The following PDS5B variants were observed in gnomAD, a reference collection of about 807,000 sequenced individuals.
The protein encoded by PDS5B is PDS5 cohesin associated factor B.
Under a neutral mutation model 184.1 loss-of-function variants are expected in PDS5B, and 51 were observed. That is an observed-to-expected ratio of 0.28 (90% CI 0.22 to 0.35). The LOEUF (loss-of-function observed/expected upper bound fraction) is 0.35. PDS5B is among the 10% of genes least tolerant of loss of function. The probability of loss-of-function intolerance (pLI) is 1.00; values close to 1 mark genes in which losing one functional copy is unlikely to be tolerated. For missense variants in PDS5B, 1,180 were observed against 1,723.3 expected (o/e 0.68, Z 5.58); for synonymous variants, 566 against 569.2 (o/e 0.99, Z 0.08).
intron 1 of PDS5B, among the ~76,000 whole-genome samples, chr13:32,628,637 T>TA (rs1479306806): frequency 1.3e-5 from 2 of 152,082 alleles, no homozygotes; most frequent in African/African-American, 4.8e-5. Context: ...GCCCAATAGG[T>TA]ACTTTTTTGG....
intron 1 of PDS5B, among the ~76,000 whole-genome samples, chr13:32,631,809 C>G (rs911110256): frequency 1.3e-5 from 2 of 152,158 alleles, no homozygotes; most frequent in African/African-American, 4.8e-5. Context: ...AATTGAGCAC[C>G]TGAAGTTGTG....
chr13:32,597,094 C>T (rs1001080898), intron 1 of PDS5B, among the ~76,000 whole-genome samples: 3 of 151,912 alleles, frequency 2.0e-5, no homozygotes, highest in South Asian at 2.1e-4. Context: ...AGTTTAGTGG[C>T]GCCATCATAG....
intron 34 of PDS5B, among the ~76,000 whole-genome samples, chr13:32,774,407 A>C (rs1484095028): frequency 6.6e-6 from 1 of 152,330 alleles, no homozygotes; most frequent in South Asian, 2.1e-4. Flanking sequence ...TGGGGAGGAC[A>C]TCAAAGTAAG....
chr13:32,677,224 A>G (rs1951096250), intron 9 of PDS5B, among the ~76,000 whole-genome samples: 1 of 152,000 alleles, frequency 6.6e-6, no homozygotes, highest in Admixed American at 6.5e-5. Flanking sequence ...AATACAATGG[A>G]AAGTTTTTAG....
intron 20 of PDS5B, among the ~76,000 whole-genome samples, chr13:32,734,600 A>T (rs1464189109): frequency 1.3e-5 from 2 of 152,208 alleles, no homozygotes; most frequent in Non-Finnish European, 2.9e-5. Context: ...ACACAGACTC[A>T]TTCTGATTAG....
chr13:32,706,286 A>G (rs1048972275), intron 17 of PDS5B, among the ~76,000 whole-genome samples: 8 of 123,382 alleles, frequency 6.5e-5, no homozygotes, highest in Admixed American at 8.4e-5. Flanking sequence ...TCAAAAATAA[A>G]TAAATAAATA....
At chr13:32,619,989 G>C (rs1477818108) in intron 1 of PDS5B, among the ~76,000 whole-genome samples, 1 of 152,018 alleles carries the variant, frequency 6.6e-6, no homozygotes, top group African/African-American at 2.4e-5. Flanking sequence ...AGTAGAGACA[G>C]GGTTTCACTA....
chr13:32,771,762 G>A (rs996886150), intron 33 of PDS5B, among the ~76,000 whole-genome samples: 2 of 151,740 alleles, frequency 1.3e-5, no homozygotes, highest in African/African-American at 4.8e-5. Flanking sequence ...TCTAAACAAA[G>A]GATTCTTAAG....
At chr13:32,760,446 C>T in intron 29 of PDS5B, 129 bp from the exon 30 acceptor site, 1 of 794,002 alleles carries the variant, frequency 1.3e-6, no homozygotes, top group Non-Finnish European at 2.0e-6. Flanking sequence ...TATTACTTTG[C>T]TTAAGGATAG....
chr13:32,628,030 C>G (rs1054791367), intron 1 of PDS5B, among the ~76,000 whole-genome samples: 10 of 152,068 alleles, frequency 6.6e-5, no homozygotes, highest in Non-Finnish European at 2.9e-5. Flanking sequence ...GTTGCCCAAT[C>G]TTTATTTAAA....
intron 20 of PDS5B, among the ~76,000 whole-genome samples, chr13:32,733,335 G>A (rs964804911): frequency 3.9e-5 from 6 of 152,002 alleles, no homozygotes; most frequent in African/African-American, 9.7e-5. Context: ...AGAAATATCT[G>A]GCATTTTTGA....
intron 1 of PDS5B, among the ~76,000 whole-genome samples, chr13:32,622,663 G>T (rs769111580): frequency 6.6e-6 from 1 of 152,124 alleles, no homozygotes; most frequent in Non-Finnish European, 1.5e-5. Context: ...ATGTTGGTTT[G>T]TCCCTCCGGG....
At chr13:32,635,739 G>A (rs181490972) in intron 1 of PDS5B, among the ~76,000 whole-genome samples, 1 of 148,752 alleles carries the variant, frequency 6.7e-6, no homozygotes, top group East Asian at 2.0e-4. Context: ...TTTCTGTTCA[G>A]TTTGCTCCGA....
rs186080657 is a variant in PDS5B, at chr13:32,656,094, A to T, written c.313-2145A>T. ...TTATTGAATAGGGAGTCCTTTCCTC[A>T]TTGCTTGTTTTTGTGCTTTTGTTGA... On this transcript the variant is annotated intron_variant, in intron 3 of 34. Transcript: ENST00000315596. Among the ~76,000 whole-genome samples, 8 of 152,188 alleles carry T rather than the reference A, an allele frequency of 5.3e-5. No individual in the cohort carries two copies. In the East Asian group the frequency reaches 1.5e-3, roughly 29 times the overall value.
intron 20 of PDS5B, among the ~76,000 whole-genome samples, chr13:32,734,923 A>G (rs1357142117): frequency 2.0e-5 from 3 of 152,136 alleles, no homozygotes; most frequent in Non-Finnish European, 4.4e-5. Context: ...CCCTACCTCT[A>G]AACTGAATTG....
intron 16 of PDS5B, 108 bp downstream of exon 16, chr13:32,699,977 C>G: frequency 9.6e-7 from 1 of 1,045,388 alleles, no homozygotes; most frequent in South Asian, 2.0e-5. Flanking sequence ...TGAAAAATGT[C>G]ACATAAAAAT....
In PDS5B at chr13:32,770,481, G is replaced by A; in HGVS notation, c.3985G>A (p.Glu1329Lys). ...ACCTCCAGCACCAGAGGAGGAGGAA[G>A]AAGAAGAAAGACAAAGTGGAAATAC... ...SGPPAPEEEE[E>K]EERQSGNTEQ... The change falls in exon 32 of 35, where the codon GAA (glutamate) becomes AAA (lysine). Residue 1329 changes from glutamate to lysine, a missense_variant. By Grantham distance (56) the Glu-to-Lys change is moderately conservative. This residue lies in a region of PDS5B where 465 missense variants were observed against 497.8 expected (regional missense o/e 0.93). Transcript: ENST00000315596. 6.2e-7 allele frequency: 1 copy of A among 1,612,052 alleles called. No homozygotes were observed. The highest frequency in any genetic ancestry group is 2.2e-5 in the East Asian group (1 of 44,792).
intron 22 of PDS5B, among the ~76,000 whole-genome samples, chr13:32,741,500 A>T (rs1323337775): frequency 1.3e-5 from 2 of 152,154 alleles, no homozygotes; most frequent in Non-Finnish European, 2.9e-5. Flanking sequence ...TTTTATTTTT[A>T]AAAAATTCAG....
At chr13:32,730,371 A>G (rs927490593) in intron 19 of PDS5B, among the ~76,000 whole-genome samples, 3 of 152,196 alleles carry the variant, frequency 2.0e-5, no homozygotes, top group African/African-American at 7.2e-5. Context: ...GTTTGAAGTC[A>G]GGTAGCATGA....
Sources: allele counts gnomAD v4.1 joint callset (sites outside exome capture counted in the v4.1 genomes callset), GRCh38; gene constraint gnomAD v4.1.1; regional missense constraint gnomAD v4.1.1; transcripts MANE v1.5; gene names NCBI Gene and HGNC (gene_info 2026-07-23, HGNC 2026-07-21).